HLCS: variants seen among roughly 807,000 people sequenced by gnomAD.
HLCS encodes biotin--protein ligase.
A neutral mutation model predicts 75.0 loss-of-function variants in HLCS; 53 were observed. The ratio of observed to expected loss-of-function variants is 0.71; its 90% CI spans 0.57 to 0.89. The LOEUF (loss-of-function observed/expected upper bound fraction) is 0.89. Ranked by LOEUF, HLCS falls within the 40% of genes least tolerant of loss-of-function variation. The pLI is 0.00. For missense variants in HLCS, 966 were observed against 1,074.0 expected (o/e 0.90, Z 1.41); for synonymous variants, 431 against 428.6 (o/e 1.01, Z -0.07).
chr21:36,982,757 G>A (rs1372707617), intron 1 of HLCS, among the ~76,000 whole-genome samples: 1 of 152,204 alleles, frequency 6.6e-6, no homozygotes, highest in East Asian at 1.9e-4. Context: ...CAGGCCAAGT[G>A]CAGTGGATCA....
chr21:36,804,877 A>C (rs2145933250), intron 6 of HLCS, among the ~76,000 whole-genome samples: 1 of 152,352 alleles, frequency 6.6e-6, no homozygotes, highest in Non-Finnish European at 1.5e-5. Context: ...AGCCAAGTAA[A>C]AGCACTCCAA....
At chr21:36,814,184 C>A (rs2061592935) in intron 6 of HLCS, among the ~76,000 whole-genome samples, 1 of 152,188 alleles carries the variant, frequency 6.6e-6, no homozygotes, top group African/African-American at 2.4e-5. Flanking sequence ...AAAGACCCTA[C>A]TGACATCTTA....
At chr21:36,946,045 C>A (rs1272308966) in intron 2 of HLCS, 3 of 914,214 alleles carry the variant, frequency 3.3e-6, no homozygotes, top group Middle Eastern at 1.1e-3. Context: ...AGGGATCATC[C>A]ATAAAGTGCC....
intron 6 of HLCS, among the ~76,000 whole-genome samples, chr21:36,768,563 A>C (rs2090123527): frequency 6.6e-6 from 1 of 152,064 alleles, no homozygotes; most frequent in Non-Finnish European, 1.5e-5. Flanking sequence ...AGCCCAGAAG[A>C]CCCTTCACGT....
At chr21:36,969,045 A>G (rs565838044), upstream of HLCS, among the ~76,000 whole-genome samples, 1 of 152,332 alleles carries the variant, frequency 6.6e-6, no homozygotes, top group African/African-American at 2.4e-5. Context: ...GGGGACCACC[A>G]TGGTTCAACA....
At chr21:36,780,126 G>A (rs920383136) in intron 6 of HLCS, among the ~76,000 whole-genome samples, 4 of 152,160 alleles carry the variant, frequency 2.6e-5, no homozygotes, top group Middle Eastern at 3.4e-3. Context: ...TAATATACCC[G>A]GGAACCACTA....
chr21:36,916,037 T>G (rs541688415), intron 5 of HLCS, among the ~76,000 whole-genome samples: 1 of 152,182 alleles, frequency 6.6e-6, no homozygotes, highest in South Asian at 2.1e-4. Context: ...ATACAAAGAT[T>G]AACAACATAT....
chr21:36,764,995 G>A lies in HLCS; in HGVS notation c.2121+17C>T. 6.2e-7 allele frequency: 1 copy of A among 1,613,656 alleles called. No individual in the cohort carries two copies. Among genetic ancestry groups the A allele is most frequent in the Non-Finnish European group, 8.5e-7 (1 of 1,179,568 alleles). Reference sequence around the variant, plus strand: ...CATGCATCCCAGGGACATAGAAGGAGACTGAACTGTACCTACCTGATACTC... The same window carrying A: ...CATGCATCCCAGGGACATAGAAGGAAACTGAACTGTACCTACCTGATACTC... On this transcript the variant is annotated intron_variant, in intron 8 of 10. Coordinates refer to ENST00000674895, the MANE Select transcript of HLCS (RefSeq NM_001352514.2).
At chr21:36,897,421 A>AT (rs2065058986) in intron 5 of HLCS, among the ~76,000 whole-genome samples, 2 of 152,174 alleles carry the variant, frequency 1.3e-5, no homozygotes, top group African/African-American at 4.8e-5. Context: ...GATTTTCAAG[A>AT]TTCCCCTCCA....
At chr21:36,876,746 T>C (rs562087461) in intron 6 of HLCS, among the ~76,000 whole-genome samples, 1 of 152,196 alleles carries the variant, frequency 6.6e-6, no homozygotes, top group African/African-American at 2.4e-5. Flanking sequence ...GTTCTGGAAG[T>C]ATTAGGTATC....
At chr21:36,891,495 C>T (rs1485289238) in intron 6 of HLCS, among the ~76,000 whole-genome samples, 1 of 152,126 alleles carries the variant, frequency 6.6e-6, no homozygotes, top group Admixed American at 6.5e-5. Context: ...AAAAATGCAG[C>T]CTGATATGGA....
intron 2 of HLCS, among the ~76,000 whole-genome samples, chr21:36,953,075 C>T (rs560552278): frequency 1.3e-5 from 2 of 152,194 alleles, no homozygotes; most frequent in South Asian, 2.1e-4. Context: ...GAGCAGAAGT[C>T]GCCACGTGAA....
intron 5 of HLCS, among the ~76,000 whole-genome samples, chr21:36,917,070 G>T (rs1456693637): frequency 1.3e-5 from 2 of 152,124 alleles, no homozygotes; most frequent in African/African-American, 2.4e-5. Context: ...TATAGGGTTG[G>T]TGTATGACTC....
chr21:36,862,910 G>A (rs1051380947), intron 6 of HLCS, among the ~76,000 whole-genome samples: 1 of 150,404 alleles, frequency 6.6e-6, no homozygotes, highest in Non-Finnish European at 1.5e-5. Context: ...GCCATGTTAC[G>A]CCCCTAATTC....
intron 5 of HLCS, among the ~76,000 whole-genome samples, chr21:36,913,515 A>C (rs2845818): frequency 0.88 from 134,515 of 152,090 alleles, 59,648 homozygotes; most frequent in South Asian, 0.97. Context: ...AATCCCAGCA[A>C]TTTGGGAGGC....
intron 6 of HLCS, among the ~76,000 whole-genome samples, chr21:36,796,017 G>A (rs1376193683): frequency 2.0e-5 from 3 of 152,168 alleles, no homozygotes; most frequent in Non-Finnish European, 4.4e-5. Flanking sequence ...AAGCACACCT[G>A]GGACTCAAAA....
Position 36,798,714 on chromosome 21 carries a change from TA to T in HLCS, c.1893-31430del, listed in dbSNP as rs372468663. On this transcript the variant is annotated intron_variant, in intron 6 of 10. Transcript: ENST00000674895. ...AACATTTGGTATTGTCAGTCTTTTT[TA>T]AGTTCAGCCCTACTAATGCATGTGA... Among the ~76,000 whole-genome samples, 46 of 152,378 alleles carry T rather than the reference TA, an allele frequency of 3.0e-4. No individual in the cohort carries two copies. In the East Asian group the frequency reaches 6.9e-3, roughly 23 times the overall value.
intron 5 of HLCS, among the ~76,000 whole-genome samples, chr21:36,929,911 T>G (rs1360607954): frequency 6.6e-6 from 1 of 152,212 alleles, no homozygotes; most frequent in Non-Finnish European, 1.5e-5. Flanking sequence ...AAAGATTTGC[T>G]GAAAGTGGCT....
chr21:36,843,093 CTTCTT>C (rs1177587319), intron 6 of HLCS, among the ~76,000 whole-genome samples: 1 of 152,234 alleles, frequency 6.6e-6, no homozygotes, highest in Non-Finnish European at 1.5e-5. Context: ...TGGGACCCAA[CTTCTT>C]TTAATTAAAC....
Sources: allele counts gnomAD v4.1 joint callset (sites outside exome capture counted in the v4.1 genomes callset), GRCh38; gene constraint gnomAD v4.1.1; transcripts MANE v1.5; gene names NCBI Gene and HGNC (gene_info 2026-07-23, HGNC 2026-07-21).